Variants in NDUFAF6 observed in about 807,000 individuals in gnomAD.
NDUFAF6 encodes the protein NADH:ubiquinone oxidoreductase complex assembly factor 6, also known as NADH dehydrogenase (ubiquinone) complex I, assembly factor 6.
A neutral mutation model predicts 40.8 loss-of-function variants in NDUFAF6; 45 were observed. That is an observed-to-expected ratio of 1.10 (90% CI 0.87 to 1.42). The LOEUF (loss-of-function observed/expected upper bound fraction) is 1.42, where lower values mean the gene tolerates loss of function less well. NDUFAF6 is among the 40% of genes most tolerant of loss of function. The pLI is 0.00. For missense variants in NDUFAF6, 435 were observed against 418.5 expected (o/e 1.04, Z -0.34); for synonymous variants, 185 against 155.9 (o/e 1.19, Z -1.39).
intron 1 of NDUFAF6, chr8:94,940,761 C>T (rs995513503): frequency 8.1e-7 from 1 of 1,227,216 alleles, no homozygotes; most frequent in South Asian, 1.3e-5. Flanking sequence ...TTTCCTTATG[C>T]AAAAACTGAG....
At chr8:95,011,880 A>C (rs1827241615) in intron 2 of NDUFAF6, among the ~76,000 whole-genome samples, 1 of 152,192 alleles carries the variant, frequency 6.6e-6, no homozygotes. Flanking sequence ...ACTTCTGAGT[A>C]TTTGTTTAAA....
At chr8:94,906,020 CAGAT>C (rs1818368558) in intron 1 of NDUFAF6, among the ~76,000 whole-genome samples, 2 of 152,132 alleles carry the variant, frequency 1.3e-5, no homozygotes, top group Non-Finnish European at 1.5e-5. Context: ...TTTTTCATGT[CAGAT>C]AGGTAATGTA....
chr8:94,937,502 C>T (rs934302831), intron 1 of NDUFAF6, among the ~76,000 whole-genome samples: 2 of 151,968 alleles, frequency 1.3e-5, no homozygotes, highest in African/African-American at 2.4e-5. Context: ...CTGGCTGTCC[C>T]CACAAGATTT....
intron 1 of NDUFAF6, among the ~76,000 whole-genome samples, chr8:94,935,467 G>A (rs1358306904): frequency 1.3e-5 from 2 of 152,080 alleles, no homozygotes; most frequent in African/African-American, 4.8e-5. Flanking sequence ...GTAAATTCGG[G>A]GAAACTTAAA....
intron 1 of NDUFAF6, among the ~76,000 whole-genome samples, chr8:95,029,755 A>G (rs887399315): frequency 6.6e-6 from 1 of 152,174 alleles, no homozygotes; most frequent in African/African-American, 2.4e-5. Context: ...TTCTCTTGAC[A>G]TGCATTTTTG....
At chr8:95,056,254 G>T (rs1490079020) in intron 8 of NDUFAF6, among the ~76,000 whole-genome samples, 23 of 150,778 alleles carry the variant, frequency 1.5e-4, no homozygotes, top group African/African-American at 5.6e-4. Flanking sequence ...TTGAGATGGG[G>T]TCTCTGTCAC....
chr8:95,078,446 TC>T (rs2132047182), downstream of NDUFAF6: 1 of 151,854 alleles, frequency 6.6e-6, no homozygotes, highest in African/African-American at 2.4e-5. Flanking sequence ...AAGTTCAAGA[TC>T]AGCCTGGGCA....
chr8:95,048,344 G>A (rs1014902920), intron 6 of NDUFAF6, 113 bp from the exon 7 acceptor site: 10 of 764,810 alleles, frequency 1.3e-5, no homozygotes, highest in African/African-American at 6.9e-5. Flanking sequence ...GTTCTGTCAC[G>A]TGTTCTCTTG....
intron 1 of NDUFAF6, among the ~76,000 whole-genome samples, chr8:94,899,710 C>T (rs2131163495): frequency 6.6e-6 from 1 of 152,304 alleles, no homozygotes; most frequent in East Asian, 1.9e-4. Context: ...TTCCCTCTGC[C>T]TTAGTTCAGG....
exon 1 of NDUFAF6, chr8:94,895,844 G>C (rs574750140): frequency 6.5e-6 from 1 of 153,944 alleles, no homozygotes; most frequent in South Asian, 2.1e-4. Context: ...GCTCTCCCCA[G>C]TCCCGGTCCG....
chr8:95,039,627 T>A (rs541669128), intron 3 of NDUFAF6, among the ~76,000 whole-genome samples: 17 of 151,858 alleles, frequency 1.1e-4, no homozygotes, highest in Middle Eastern at 3.4e-3. Flanking sequence ...TTTTTTTTTT[T>A]ATTTCTATTT....
intron 2 of NDUFAF6, among the ~76,000 whole-genome samples, chr8:95,001,212 C>T (rs1261161708): frequency 2.0e-5 from 3 of 152,024 alleles, no homozygotes; most frequent in Non-Finnish European, 4.4e-5. Flanking sequence ...CTACTTGGCC[C>T]CAAAGTGCTG....
intron 1 of NDUFAF6, among the ~76,000 whole-genome samples, chr8:94,909,699 G>A (rs1228864112): frequency 6.6e-6 from 1 of 151,812 alleles, no homozygotes; most frequent in Non-Finnish European, 1.5e-5. Context: ...GCCAAGGTGG[G>A]TGGGTCACTT....
chr8:95,077,892 C>G (rs910530116), downstream of NDUFAF6, among the ~76,000 whole-genome samples: 1 of 151,736 alleles, frequency 6.6e-6, no homozygotes, highest in Admixed American at 6.6e-5. Context: ...GCAAGCCAGT[C>G]TAGGTGCATG....
At chr8:94,907,529 CCATAGCTGAAA>C (rs1466229086) in intron 1 of NDUFAF6, among the ~76,000 whole-genome samples, 1 of 152,158 alleles carries the variant, frequency 6.6e-6, no homozygotes, top group Non-Finnish European at 1.5e-5. Context: ...TAACAGTTTA[CCATAGCTGAAA>C]CATAGCTGTG....
exon 10 of NDUFAF6, chr8:95,075,758 T>C (rs995508975): frequency 8.0e-7 from 1 of 1,251,066 alleles, no homozygotes; most frequent in Admixed American, 2.3e-5. Flanking sequence ...TCCAGGTACT[T>C]GAGCTTGGAA....
upstream of NDUFAF6, among the ~76,000 whole-genome samples, chr8:95,098,230 T>C (rs1043303910): frequency 6.6e-6 from 1 of 152,202 alleles, no homozygotes; most frequent in Admixed American, 6.5e-5. Context: ...GAGTGATCCA[T>C]TTTCTTTAAA....
intron 1 of NDUFAF6, among the ~76,000 whole-genome samples, chr8:94,977,140 GAAAA>G (rs999161388): frequency 0.26 from 17,333 of 66,638 alleles, 1,044 homozygotes; most frequent in Middle Eastern, 0.38. Flanking sequence ...CCCTGACTCA[GAAAA>G]AAAAAAAAAA....
chr8:95,052,973 A>AATATGGTTACT (rs1208598249), intron 8 of NDUFAF6, among the ~76,000 whole-genome samples: 2 of 152,160 alleles, frequency 1.3e-5, no homozygotes, highest in Non-Finnish European at 2.9e-5. Context: ...TCCTAGCAAA[A>AATATGGTTACT]ATATGGTTAC....
Sources: gnomAD v4.1 joint callset for allele counts (sites outside exome capture counted in the v4.1 genomes callset) on GRCh38, gnomAD v4.1.1 for gene constraint, MANE v1.5 for transcripts, NCBI Gene and HGNC (gene_info 2026-07-23, HGNC 2026-07-21) for gene names.